The following KHDRBS2 variants were observed in gnomAD, a reference collection of about 807,000 sequenced individuals.
KHDRBS2 encodes KH RNA binding domain containing, signal transduction associated 2.
KHDRBS2 carries 26 observed loss-of-function variants against 44.3 expected under a neutral mutation model. The observed-to-expected ratio is 0.59, with a 90% CI of 0.43 to 0.81. KHDRBS2 has a LOEUF of 0.81. Ranked by LOEUF, KHDRBS2 falls within the 40% of genes least tolerant of loss-of-function variation. The pLI, the probability that KHDRBS2 is intolerant of heterozygous loss-of-function variation, is 0.00. For synonymous variants in KHDRBS2, 194 were observed against 151.1 expected (o/e 1.28, Z -2.08); for missense variants, 476 against 433.1 (o/e 1.10, Z -0.88).
At chr6:62,278,022 C>G (rs1162516251) in intron 1 of KHDRBS2, among the ~76,000 whole-genome samples, 1 of 152,156 alleles carries the variant, frequency 6.6e-6, no homozygotes. Context: ...AGAATATCAT[C>G]TATTAGTGGT....
chr6:61,629,950 T>A, the KHDRBS2 span, among the ~76,000 whole-genome samples: 1 of 152,214 alleles, frequency 6.6e-6, no homozygotes, highest in Non-Finnish European at 1.5e-5. Context: ...TTCTTCTATA[T>A]TCCTACACCT....
intron 3 of KHDRBS2, among the ~76,000 whole-genome samples, chr6:62,046,592 T>A (rs1189675528): frequency 2.0e-5 from 3 of 151,804 alleles, no homozygotes; most frequent in Non-Finnish European, 4.4e-5. Context: ...AAAAACAATA[T>A]TAAAGAATAC....
the KHDRBS2 span, among the ~76,000 whole-genome samples, chr6:61,543,374 T>A: frequency 6.6e-6 from 1 of 151,888 alleles, no homozygotes. Flanking sequence ...TCATCAATGA[T>A]CATTAGAAAA....
intron 1 of KHDRBS2, among the ~76,000 whole-genome samples, chr6:62,189,980 T>TAGCACA (rs1314411520): frequency 3.3e-5 from 5 of 152,080 alleles, no homozygotes; most frequent in Non-Finnish European, 1.5e-5. Context: ...TTTGTGTCAT[T>TAGCACA]AGCATATGAT....
chr6:61,788,644 T>A (rs1784186749), intron 6 of KHDRBS2, among the ~76,000 whole-genome samples: 1 of 151,318 alleles, frequency 6.6e-6, no homozygotes, highest in South Asian at 2.1e-4. Context: ...CAGAGTAAAT[T>A]CAGATAGGCT....
chr6:62,003,670 T>C (rs555278564), intron 3 of KHDRBS2, among the ~76,000 whole-genome samples: 1 of 152,252 alleles, frequency 6.6e-6, no homozygotes, highest in African/African-American at 2.4e-5. Context: ...GCAGACCTAA[T>C]AGACATCTAC....
At chr6:61,835,756 TGA>T (rs376717084) in intron 6 of KHDRBS2, among the ~76,000 whole-genome samples, 13 of 143,822 alleles carry the variant, frequency 9.0e-5, no homozygotes, top group East Asian at 6.1e-4. Flanking sequence ...AGAGAAAGAT[TGA>T]GAGAGAGAGA....
chr6:61,677,986 C>T (rs1217122871), downstream of KHDRBS2, among the ~76,000 whole-genome samples: 3 of 151,766 alleles, frequency 2.0e-5, no homozygotes, highest in African/African-American at 4.8e-5. Context: ...CTCCTACAGC[C>T]GATCATTAAA....
chr6:62,202,504 AGAGAT>A (rs761588183), intron 1 of KHDRBS2, among the ~76,000 whole-genome samples: 4 of 152,036 alleles, frequency 2.6e-5, no homozygotes, highest in Non-Finnish European at 4.4e-5. Context: ...AAACAGAGAG[AGAGAT>A]TTTTTTTTTC....
At chr6:62,149,612 C>A (rs1214989834) in intron 2 of KHDRBS2, among the ~76,000 whole-genome samples, 2 of 152,100 alleles carry the variant, frequency 1.3e-5, no homozygotes, top group African/African-American at 2.4e-5. Context: ...ATTTTCTTAA[C>A]AAATATTCAT....
chr6:61,966,830 C>T (rs1299148678), intron 4 of KHDRBS2, among the ~76,000 whole-genome samples: 1 of 151,648 alleles, frequency 6.6e-6, no homozygotes, highest in Non-Finnish European at 1.5e-5. Context: ...TTTTTTTCTG[C>T]CTCTCCCTAT....
At chr6:62,015,173 G>A (rs1324938831) in intron 3 of KHDRBS2, among the ~76,000 whole-genome samples, 2 of 152,148 alleles carry the variant, frequency 1.3e-5, no homozygotes, top group Admixed American at 1.3e-4. Context: ...CTGGTTCAAT[G>A]ATATTTTAAG....
At chr6:61,856,460 C>G (rs1796164334) in intron 6 of KHDRBS2, among the ~76,000 whole-genome samples, 1 of 151,914 alleles carries the variant, frequency 6.6e-6, no homozygotes, top group Non-Finnish European at 1.5e-5. Context: ...TCTTCATAAA[C>G]TGTTTAAATG....
At chr6:62,222,263 G>A (rs1263038720) in intron 1 of KHDRBS2, among the ~76,000 whole-genome samples, 1 of 151,630 alleles carries the variant, frequency 6.6e-6, no homozygotes, top group Non-Finnish European at 1.5e-5. Context: ...AGAGAGAGTG[G>A]GGGTCTTGGG....
intron 2 of KHDRBS2, among the ~76,000 whole-genome samples, chr6:62,105,613 T>G (rs1167874821): frequency 2.0e-5 from 3 of 152,100 alleles, no homozygotes; most frequent in Non-Finnish European, 4.4e-5. Context: ...TCTGTGGGAT[T>G]GGTGGTGATA....
the KHDRBS2 span, among the ~76,000 whole-genome samples, chr6:61,543,024 A>G: frequency 6.6e-6 from 1 of 151,984 alleles, no homozygotes; most frequent in Non-Finnish European, 1.5e-5. Context: ...AATAAACATC[A>G]GGGAAACTCT....
At chr6:61,586,583 T>C in the KHDRBS2 span, among the ~76,000 whole-genome samples, 1 of 152,178 alleles carries the variant, frequency 6.6e-6, no homozygotes, top group East Asian at 1.9e-4. Context: ...CATAGGACTC[T>C]ATAGAGGAAT....
chr6:61,547,057 T>A, the KHDRBS2 span, among the ~76,000 whole-genome samples: 1 of 151,946 alleles, frequency 6.6e-6, no homozygotes, highest in Non-Finnish European at 1.5e-5. Flanking sequence ...GCAATTTAGA[T>A]AGGCCAATGA....
At chr6:62,235,985 A>AT (rs1384393064) in intron 1 of KHDRBS2, among the ~76,000 whole-genome samples, 9 of 152,104 alleles carry the variant, frequency 5.9e-5, no homozygotes, top group African/African-American at 1.9e-4. Flanking sequence ...ATCAACTTTA[A>AT]TGTCTTTCAA....
Sources: gnomAD v4.1 joint callset for allele counts (sites outside exome capture counted in the v4.1 genomes callset) on GRCh38, gnomAD v4.1.1 for gene constraint, MANE v1.5 for transcripts, NCBI Gene and HGNC (gene_info 2026-07-23, HGNC 2026-07-21) for gene names.